ARHGAP28: variants seen among roughly 807,000 people sequenced by gnomAD.
The protein encoded by ARHGAP28 is Rho GTPase activating protein 28.
In ARHGAP28, 56 loss-of-function variants were observed where a neutral mutation model predicts 90.7. The ratio of observed to expected loss-of-function variants is 0.62; its 90% CI spans 0.50 to 0.77. The LOEUF (loss-of-function observed/expected upper bound fraction) is 0.77, where lower values mean the gene tolerates loss of function less well. Ranked by LOEUF, ARHGAP28 falls within the 30% of genes least tolerant of loss-of-function variation. ARHGAP28 has a pLI of 0.00. For missense variants in ARHGAP28, 869 were observed against 900.9 expected (o/e 0.96, Z 0.45); for synonymous variants, 308 against 323.3 (o/e 0.95, Z 0.51).
intron 1 of ARHGAP28, among the ~76,000 whole-genome samples, chr18:6,814,485 C>T (rs1236537467): frequency 6.6e-6 from 1 of 152,130 alleles, no homozygotes; most frequent in Non-Finnish European, 1.5e-5. Flanking sequence ...TTATACATTT[C>T]CTGACTGAAG....
intron 9 of ARHGAP28, among the ~76,000 whole-genome samples, chr18:6,874,227 A>G (rs1190465036): frequency 6.6e-6 from 1 of 152,238 alleles, no homozygotes; most frequent in Non-Finnish European, 1.5e-5. Flanking sequence ...AAAAATGTGT[A>G]TATGTGTAAT....
In ARHGAP28 at chr18:6,864,957, C is replaced by T. The variant is rs140389128; in HGVS notation, c.727-3193C>T. Among the ~76,000 whole-genome samples, 15 of 152,212 alleles carry T rather than the reference C, an allele frequency of 9.9e-5. 1 individual carries two copies. Among genetic ancestry groups the T allele is most frequent in the African/African-American group, 1.7e-4 (7 of 41,518 alleles). On this transcript the variant is annotated intron_variant, in intron 5 of 17. Coordinates refer to ENST00000383472, the MANE Select transcript of ARHGAP28 (RefSeq NM_001366230.1). ...AGCAAAATTGAGTGGAAAAGTACAGCGATTTCCCATATCCCCCCATTCCTA... is the reference window on the plus strand; with the variant it reads ...AGCAAAATTGAGTGGAAAAGTACAGTGATTTCCCATATCCCCCCATTCCTA...
At chr18:6,768,807 C>A (rs1217468656) in intron 1 of ARHGAP28, among the ~76,000 whole-genome samples, 1 of 152,098 alleles carries the variant, frequency 6.6e-6, no homozygotes, top group Admixed American at 6.5e-5. Flanking sequence ...TTGGCTTCCC[C>A]TTGCTGTGCT....
intron 7 of ARHGAP28, among the ~76,000 whole-genome samples, chr18:6,873,066 T>C (rs1453128805): frequency 2.0e-5 from 3 of 152,220 alleles, no homozygotes; most frequent in African/African-American, 4.8e-5. Flanking sequence ...GTGTCACATT[T>C]ATTCCAATTA....
intron 1 of ARHGAP28, among the ~76,000 whole-genome samples, chr18:6,745,251 G>A (rs566270214): frequency 4.0e-4 from 61 of 152,120 alleles, no homozygotes; most frequent in Non-Finnish European, 7.9e-4. Context: ...ATGACATATT[G>A]CAAGAATGTG....
intron 3 of ARHGAP28, among the ~76,000 whole-genome samples, chr18:6,843,252 C>T (rs1184766154): frequency 1.3e-5 from 2 of 152,180 alleles, no homozygotes; most frequent in African/African-American, 4.8e-5. Flanking sequence ...ACAGCCGCCA[C>T]TGCCACCGAG....
At chr18:6,825,332 G>C (rs371024337) in intron 2 of ARHGAP28, among the ~76,000 whole-genome samples, 1 of 152,068 alleles carries the variant, frequency 6.6e-6, no homozygotes. Flanking sequence ...ATTAATTAGA[G>C]TAATTAATAC....
chr18:6,865,464 G>C (rs544740119), intron 5 of ARHGAP28, among the ~76,000 whole-genome samples: 8 of 152,286 alleles, frequency 5.3e-5, no homozygotes, highest in African/African-American at 1.4e-4. Context: ...TGTCCATTCT[G>C]ATCTTGGTTG....
At chr18:6,857,540 G>A (rs961351071) in intron 4 of ARHGAP28, among the ~76,000 whole-genome samples, 1 of 152,198 alleles carries the variant, frequency 6.6e-6, no homozygotes, top group African/African-American at 2.4e-5. Flanking sequence ...GGCAGCGAGT[G>A]TTTTCAGGTT....
intron 2 of ARHGAP28, among the ~76,000 whole-genome samples, chr18:6,831,471 G>GT (rs57331018): frequency 1.9e-3 from 207 of 109,138 alleles, no homozygotes; most frequent in Middle Eastern, 6.8e-3. Context: ...GTATCTTGAT[G>GT]TTTTTTTTTT....
chr18:6,787,093 G>T (rs2376528), intron 1 of ARHGAP28, among the ~76,000 whole-genome samples: 1 of 151,510 alleles, frequency 6.6e-6, no homozygotes, highest in East Asian at 1.9e-4. Flanking sequence ...GGTGGTGGAC[G>T]CATGTAATCC....
chr18:6,767,941 T>C (rs1029664035), intron 1 of ARHGAP28, among the ~76,000 whole-genome samples: 1 of 152,184 alleles, frequency 6.6e-6, no homozygotes, highest in African/African-American at 2.4e-5. Context: ...GTACCACATA[T>C]GTTGGACTAC....
intron 3 of ARHGAP28, among the ~76,000 whole-genome samples, chr18:6,841,190 T>TCTCTCTC (rs1555631508): frequency 2.7e-4 from 18 of 66,540 alleles, no homozygotes; most frequent in African/African-American, 4.1e-4. Context: ...CCTCTCTCTC[T>TCTCTCTC]CTCTCTCTCT....
intron 1 of ARHGAP28, among the ~76,000 whole-genome samples, chr18:6,777,754 A>ATGAG (rs59292934): frequency 0.06 from 9,099 of 150,648 alleles, 565 homozygotes; most frequent in East Asian, 0.31. Flanking sequence ...GAATGAGTGA[A>ATGAG]TGAATGAATG....
At chr18:6,897,470 T>C (rs531464363) in intron 16 of ARHGAP28, 1 of 152,348 alleles carries the variant, frequency 6.6e-6, no homozygotes, top group Admixed American at 6.5e-5. Flanking sequence ...GCGCAGATCA[T>C]GACAATTTTT....
chr18:6,809,675 C>T (rs777821044), intron 1 of ARHGAP28, among the ~76,000 whole-genome samples: 4 of 152,104 alleles, frequency 2.6e-5, no homozygotes, highest in Admixed American at 2.0e-4. Flanking sequence ...CATGAAACAT[C>T]GCTAGGGAGA....
At chr18:6,779,728 A>G (rs1266803956) in intron 1 of ARHGAP28, among the ~76,000 whole-genome samples, 1 of 152,218 alleles carries the variant, frequency 6.6e-6, no homozygotes, top group East Asian at 1.9e-4. Flanking sequence ...CCTCATTATC[A>G]GAGAAGCTGT....
chr18:6,841,158 T>TCTCTCTCTC (rs1307518042), intron 3 of ARHGAP28, among the ~76,000 whole-genome samples: 1 of 89,440 alleles, frequency 1.1e-5, no homozygotes, highest in Non-Finnish European at 2.5e-5. Context: ...CTCTCCTCTT[T>TCTCTCTCTC]CTCTCTCTCC....
At chr18:6,743,981 AG>A (rs1482190408) in intron 1 of ARHGAP28, among the ~76,000 whole-genome samples, 4 of 152,320 alleles carry the variant, frequency 2.6e-5, no homozygotes, top group Non-Finnish European at 5.9e-5. Context: ...TTAGCATTTT[AG>A]CCTACTGGCC....
Sources: allele counts gnomAD v4.1 joint callset (sites outside exome capture counted in the v4.1 genomes callset), GRCh38; gene constraint gnomAD v4.1.1; transcripts MANE v1.5; gene names NCBI Gene and HGNC (gene_info 2026-07-23, HGNC 2026-07-21).